OSMR: variants seen among roughly 807,000 people sequenced by gnomAD.
The protein encoded by OSMR is oncostatin M receptor.
Under a neutral mutation model 99.9 loss-of-function variants are expected in OSMR, and 81 were observed. That is an observed-to-expected ratio of 0.81 (90% CI 0.68 to 0.97). The LOEUF (loss-of-function observed/expected upper bound fraction) is 0.97, where lower values mean the gene tolerates loss of function less well. Ranked by LOEUF, OSMR falls within the 50% of genes least tolerant of loss-of-function variation. The probability of loss-of-function intolerance (pLI) is 0.00; values close to 1 mark genes in which losing one functional copy is unlikely to be tolerated. For missense variants in OSMR, 1,099 were observed against 1,153.4 expected, an observed-to-expected ratio of 0.95 and a Z score of 0.68; for synonymous variants, 406 against 410.4, an observed-to-expected ratio of 0.99 and a Z score of 0.13.
intron 5 of OSMR, among the ~76,000 whole-genome samples, chr5:38,884,372 C>A (rs530305856): frequency 3.9e-5 from 6 of 152,184 alleles, no homozygotes; most frequent in Non-Finnish European, 8.8e-5. Flanking sequence ...ATGACCTGGA[C>A]CACTGGGAAA....
intron 15 of OSMR, 116 bp from the exon 16 acceptor site, chr5:38,931,767 C>T: frequency 6.6e-7 from 1 of 1,509,982 alleles, no homozygotes; most frequent in Non-Finnish European, 8.9e-7. Context: ...AACTTGCATA[C>T]ATAATTTGAG....
chr5:38,858,914 A>C (rs1293475745), intron 1 of OSMR, among the ~76,000 whole-genome samples: 1 of 152,140 alleles, frequency 6.6e-6, no homozygotes, highest in African/African-American at 2.4e-5. Context: ...TCTTCTTTTG[A>C]TAAGTCTATT....
At chr5:38,847,366 A>C (rs1037001651) in intron 1 of OSMR, among the ~76,000 whole-genome samples, 1 of 152,038 alleles carries the variant, frequency 6.6e-6, no homozygotes, top group Non-Finnish European at 1.5e-5. Flanking sequence ...GTTTTTTATT[A>C]TATTTTATTG....
chr5:38,882,756 T>C lies in OSMR; in HGVS notation c.418+992T>C, dbSNP rs1220042938. 2.0e-5 allele frequency among the ~76,000 whole-genome samples: 3 copies of C among 152,242 alleles called. No homozygotes were observed. In the East Asian group the frequency reaches 5.8e-4, roughly 29 times the overall value. On this transcript the variant is annotated intron_variant, in intron 4 of 17. Transcript: ENST00000274276. ...ACTAATGAGATAATAATAATTGAAT[T>C]AAATCTATGACCTAGTCACTTTTTA...
rs1326838878 is a variant in OSMR at position 38,933,036 on chromosome 5, A to G, written c.2532A>G (p.Glu844=). 2.5e-6 allele frequency: 4 copies of G among 1,614,182 alleles called. No homozygotes were observed. The South Asian group carries it at 3.3e-5, about 13-fold the overall frequency. ...ACTACCTTTATCTCCTTCCAACAGAAAAGAATCACTCTGGCCCTGGCCCCT... is the reference window on the plus strand; with the variant it reads ...ACTACCTTTATCTCCTTCCAACAGAGAAGAATCACTCTGGCCCTGGCCCCT... The part of the protein sequence containing the change: ...KPNYLYLLPT[E]KNHSGPGPCI... Residue 844 remains glutamate, a synonymous_variant, in exon 18 of 18, where the codon GAA becomes GAG. Coordinates refer to ENST00000274276, the MANE Select transcript of OSMR (RefSeq NM_003999.3).
chr5:38,889,256 G>A (rs72732718), intron 7 of OSMR, among the ~76,000 whole-genome samples: 37 of 151,836 alleles, frequency 2.4e-4, no homozygotes, highest in Non-Finnish European at 3.2e-4. Context: ...TTGTTTGGCC[G>A]CCTTCCCTTG....
At chr5:38,937,857 G>A (rs1323556499), downstream of OSMR, 1 of 172,846 alleles carries the variant, frequency 5.8e-6, no homozygotes, top group African/African-American at 2.4e-5. The surrounding 1 kb of genome is among the most constrained non-coding windows in gnomAD (Gnocchi z 4.0). Context: ...GGCATTACAG[G>A]ACTCAAATCA....
intron 15 of OSMR, among the ~76,000 whole-genome samples, chr5:38,929,471 C>T (rs1385618885): frequency 6.6e-6 from 1 of 152,102 alleles, no homozygotes; most frequent in African/African-American, 2.4e-5. Flanking sequence ...AATCACTTTT[C>T]AATCCTGAGT....
chr5:38,915,377 C>T (rs1269100629), intron 9 of OSMR, among the ~76,000 whole-genome samples: 1 of 152,090 alleles, frequency 6.6e-6, no homozygotes, highest in African/African-American at 2.4e-5. Flanking sequence ...GGATGTTTTT[C>T]TCGATTAAAA....
intron 1 of OSMR, among the ~76,000 whole-genome samples, chr5:38,848,775 ATTC>A (rs1740096916): frequency 6.6e-6 from 1 of 152,054 alleles, no homozygotes; most frequent in African/African-American, 2.4e-5. Flanking sequence ...GCTACGTGTT[ATTC>A]TTTTTGTGTG....
chr5:38,903,885 A>G lies in OSMR; in HGVS notation c.995A>G (p.Tyr332Cys). ...TTCTTTTTCTTTTTTTTGACAGTTT[A>G]TTTAATGAATCCTTTTAGTGTCAAC... is the stretch of plus-strand genomic sequence containing the variant. Reference protein sequence around the residue: ...NILFNLTHRVYLMNPFSVNFE... With the variant: ...NILFNLTHRVCLMNPFSVNFE... The change falls in exon 8 of 18, where the codon TAT becomes TGT. Residue 332 changes from tyrosine (Y) to cysteine (C), a missense_variant. Tyr to Cys is a radical substitution (Grantham distance 194, BLOSUM62 -2). Transcript: ENST00000274276. The G allele has an allele frequency of 6.2e-7, 1 of 1,611,406 alleles. No individual in the cohort carries two copies. Among genetic ancestry groups the G allele is most frequent in the Non-Finnish European group, 8.5e-7 (1 of 1,178,806 alleles).
Position 38,943,233 on chromosome 5 carries a change from G to A in OSMR, c.75-968G>A, listed in dbSNP as rs543923650. ...TTGAAGCATTCTTTTTTATTGGCAT[G>A]AGAAATTGCAAAATATATTTATCAG... On this transcript the variant is annotated intron_variant and NMD_transcript_variant, in intron 1 of 2. Coordinates refer to the OSMR transcript ENST00000508882. 1.8e-4 allele frequency: 62 copies of A among 341,792 alleles called. 1 individual carries two copies. The highest frequency in any genetic ancestry group is 1.2e-3 in the African/African-American group (57 of 48,304). The allele number at this position is 341,792 out of a possible 1,614,324, so 21.2% of individuals were successfully genotyped here. A position where few individuals can be genotyped will look rare whatever the true frequency, so the allele number is the denominator to read the frequency against.
chr5:38,921,857 T>C lies in OSMR; in HGVS notation c.1765+63T>C, dbSNP rs148787086. On this transcript the variant is annotated intron_variant, in intron 12 of 17. Transcript: ENST00000274276. Reference sequence around the variant, plus strand: ...CACCTTGAAGAAAGTTCAAGTGGGATTTCTGGACTACTTCACAGACTTTGA... The same window carrying C: ...CACCTTGAAGAAAGTTCAAGTGGGACTTCTGGACTACTTCACAGACTTTGA... The C allele has an allele frequency of 3.2e-4, 438 of 1,375,058 alleles. 4 individuals carry two copies. In the African/African-American group the frequency reaches 4.8e-3, roughly 15 times the overall value. The allele number at this position is 1,375,058 out of a possible 1,614,324, so 85.2% of individuals were successfully genotyped here.
Position 38,944,371 on chromosome 5 carries a change from G to T in OSMR, c.*86+52G>T, listed in dbSNP as rs527860461. On this transcript the variant is annotated intron_variant and NMD_transcript_variant, in intron 2 of 2. Coordinates refer to the OSMR transcript ENST00000508882. ...ATGTAAGTTAACTAGCCTAACTTTT[G>T]AAGTATTTCAAGTATCTTTTCTCGA... 7.9e-5 allele frequency: 114 copies of T among 1,436,956 alleles called. No individual in the cohort carries two copies. In the South Asian group the frequency reaches 1.3e-3, roughly 16 times the overall value. The allele number at this position is 1,436,956 out of a possible 1,614,324, so 89.0% of individuals were successfully genotyped here. A position where few individuals can be genotyped will look rare whatever the true frequency, so the allele number is the denominator to read the frequency against.
chr5:38,906,641 A>T (rs1315389925), intron 9 of OSMR, among the ~76,000 whole-genome samples: 1 of 152,220 alleles, frequency 6.6e-6, no homozygotes, highest in Non-Finnish European at 1.5e-5. Flanking sequence ...CTTATTTAGC[A>T]AATTGAAATC....
chr5:38,921,781 A>G lies in OSMR; in HGVS notation c.1752A>G (p.Thr584=). 1.2e-6 allele frequency: 2 copies of G among 1,613,766 alleles called. No homozygotes were observed. The highest frequency in any genetic ancestry group is 1.7e-6 in the Non-Finnish European group (2 of 1,179,640). The part of the protein sequence containing the change: ...WKNVGPNTTS[T]VISTDAFRPG... ...ATGTAGGTCCCAATACCACAAGCAC[A>G]GTCATTAGCACAGGTAAGAAGAAGC... is the stretch of plus-strand genomic sequence containing the variant. The change falls in exon 12 of 18, where the codon ACA becomes ACG. Residue 584 remains threonine (T), a synonymous_variant. Coordinates refer to ENST00000274276, the MANE Select transcript of OSMR (RefSeq NM_003999.3).
intron 2 of OSMR, among the ~76,000 whole-genome samples, chr5:38,871,025 T>C (rs1742344885): frequency 6.6e-6 from 1 of 152,116 alleles, no homozygotes. Flanking sequence ...AAGGTTATAA[T>C]TGCATTTCCA....
Position 38,918,888 on chromosome 5 carries a change from G to T in OSMR, c.1411G>T (p.Val471Phe), listed in dbSNP as rs750777008. 6.2e-7 allele frequency: 1 copy of T among 1,613,892 alleles called. No individual in the cohort carries two copies. Among genetic ancestry groups the T allele is most frequent in the South Asian group, 1.1e-5 (1 of 91,082 alleles). Reference sequence around the variant, plus strand: ...TGGAAAGATCCTGTTCTATAATGTAGTTGTAGAAAACCTAGACAAACCATC... The same window carrying T: ...TGGAAAGATCCTGTTCTATAATGTATTTGTAGAAAACCTAGACAAACCATC... Reference protein sequence around the residue: ...ANGKILFYNVVVENLDKPSSS... With the variant: ...ANGKILFYNVFVENLDKPSSS... Residue 471 changes from valine to phenylalanine, a missense_variant, in exon 11 of 18, where the codon GTT becomes TTT. Val to Phe is a conservative substitution (Grantham distance 50). Transcript: ENST00000274276.
intron 7 of OSMR, among the ~76,000 whole-genome samples, chr5:38,892,117 A>C (rs1416982374): frequency 6.6e-6 from 1 of 152,152 alleles, no homozygotes; most frequent in Non-Finnish European, 1.5e-5. Context: ...GTCCAGCATC[A>C]GTTGGATGGG....
Sources: gnomAD v4.1 joint callset for allele counts (sites outside exome capture counted in the v4.1 genomes callset) on GRCh38, gnomAD v4.1.1 for gene constraint, Gnocchi (gnomAD v3.1) non-coding constraint, MANE v1.5 for transcripts, NCBI Gene and HGNC (gene_info 2026-07-23, HGNC 2026-07-21) for gene names.